Variants in MRPL45 observed in about 807,000 individuals in gnomAD.
MRPL45 encodes the protein large ribosomal subunit protein mL45.
In MRPL45, 20 loss-of-function variants were observed where a neutral mutation model predicts 38.1. That is an observed-to-expected ratio of 0.53 (90% CI 0.37 to 0.76). The LOEUF (loss-of-function observed/expected upper bound fraction) is 0.76. Ranked by LOEUF, MRPL45 falls within the 30% of genes least tolerant of loss-of-function variation. MRPL45 has a pLI of 0.00. For synonymous variants in MRPL45, 105 were observed against 128.8 expected (o/e 0.82, Z 1.25); for missense variants, 337 against 395.6 (o/e 0.85, Z 1.26).
At chr17:38,320,879 C>A in intron 6 of MRPL45, 112 bp downstream of exon 6, 1 of 1,003,086 alleles carries the variant, frequency 1.0e-6, no homozygotes, top group Non-Finnish European at 1.5e-6. Flanking sequence ...ATAAAAGGTA[C>A]ACTGTGATCT....
chr17:38,313,368 G>GTATA (rs1183363484), intron 4 of MRPL45, among the ~76,000 whole-genome samples: 15 of 17,054 alleles, frequency 8.8e-4, no homozygotes, highest in African/African-American at 4.1e-3. Flanking sequence ...ATATATATAC[G>GTATA]TATATATATA....
chr17:38,319,909 T>A (rs1415470525), intron 5 of MRPL45, among the ~76,000 whole-genome samples: 26 of 152,140 alleles, frequency 1.7e-4, no homozygotes, highest in Non-Finnish European at 7.4e-5. Context: ...AAGACCATCC[T>A]GGCTAACATG....
rs2037087040 is a variant in MRPL45, at chr17:38,309,352, T to TA, written c.461+2726dup. Among the ~76,000 whole-genome samples, 4 of 150,894 alleles carry TA rather than the reference T, an allele frequency of 2.7e-5. No individual in the cohort carries two copies. The East Asian group carries it at 7.9e-4, about 30-fold the overall frequency. ...CAATGTGGTGAAACCCTGTCTCTAC[T>TA]AAAAATACAAAAAAAAAATTAGCCA... On this transcript the variant is annotated intron_variant, in intron 4 of 7. Transcript: ENST00000613675.
intron 4 of MRPL45, among the ~76,000 whole-genome samples, chr17:38,313,322 ATATATATATACATATATATATATACG>A (rs1597652592): frequency 2.1e-3 from 34 of 16,194 alleles, no homozygotes; most frequent in Admixed American, 4.2e-3. Context: ...ATATATATAT[ATATATATATACATATATATATATACG>A]TATATATATA....
chr17:38,306,039 T>C (rs1161709402), intron 3 of MRPL45, among the ~76,000 whole-genome samples: 1 of 152,146 alleles, frequency 6.6e-6, no homozygotes, highest in Non-Finnish European at 1.5e-5. Context: ...AATTTCACTA[T>C]GAGAAGTCTT....
chr17:38,300,206 C>T (rs141265883), intron 3 of MRPL45, among the ~76,000 whole-genome samples: 2,035 of 152,004 alleles, frequency 0.013, 47 homozygotes, highest in African/African-American at 0.045. Flanking sequence ...TTAGTAAAGA[C>T]GGGGTTTCAC....
chr17:38,312,354 C>T (rs973146183), intron 4 of MRPL45, among the ~76,000 whole-genome samples: 6 of 152,114 alleles, frequency 3.9e-5, no homozygotes, highest in African/African-American at 1.4e-4. Flanking sequence ...CCACGTATGT[C>T]TCCTTATTAA....
At chr17:38,299,235 C>T (rs959358246) in intron 2 of MRPL45, 116 bp from the exon 3 acceptor site, 5 of 651,304 alleles carry the variant, frequency 7.7e-6, no homozygotes, top group Admixed American at 3.6e-5. Context: ...ACATGGAAGT[C>T]TGTTTCATTA....
At chr17:38,300,970 A>G (rs1598970386) in intron 3 of MRPL45, among the ~76,000 whole-genome samples, 1 of 152,106 alleles carries the variant, frequency 6.6e-6, no homozygotes, top group Admixed American at 6.6e-5. Flanking sequence ...AATAAAAAAG[A>G]TTTTATCATA....
At chr17:38,307,350 G>A (rs1461818276) in intron 4 of MRPL45, among the ~76,000 whole-genome samples, 1 of 138,342 alleles carries the variant, frequency 7.2e-6, no homozygotes, top group African/African-American at 2.7e-5. Context: ...TTTTTTTTTT[G>A]AGATGGAGTC....
chr17:38,313,393 T>TC (rs2037144329), intron 4 of MRPL45, among the ~76,000 whole-genome samples: 6 of 89,822 alleles, frequency 6.7e-5, no homozygotes, highest in Non-Finnish European at 1.2e-4. Flanking sequence ...TACATATATA[T>TC]ATATATATAT....
chr17:38,315,498 G>A (rs2037164836), intron 4 of MRPL45, among the ~76,000 whole-genome samples: 1 of 151,450 alleles, frequency 6.6e-6, no homozygotes, highest in African/African-American at 2.4e-5. Context: ...CGAACTCCTG[G>A]CCTCAAGTGA....
intron 2 of MRPL45, 22 bp from the exon 3 acceptor site, chr17:38,299,329 T>C (rs1344165226): frequency 6.7e-7 from 1 of 1,488,798 alleles, no homozygotes; most frequent in African/African-American, 1.4e-5. Flanking sequence ...ACTTTCTTAA[T>C]TTTTTTCTTC....
chr17:38,311,450 G>A (rs1214583044), intron 4 of MRPL45, among the ~76,000 whole-genome samples: 2 of 152,132 alleles, frequency 1.3e-5, no homozygotes, highest in African/African-American at 4.8e-5. Flanking sequence ...CACTTTGGGA[G>A]GCTGAGGCAG....
At position 38,306,634 on chromosome 17, in the gene MRPL45, A is replaced by C. The variant is rs1349626195; in HGVS notation, c.461+3A>C. On this transcript the variant is annotated splice_donor_region_variant and intron_variant, in intron 4 of 7. Coordinates refer to ENST00000613675, the MANE Select transcript of MRPL45 (RefSeq NM_032351.6). Reference sequence around the variant, plus strand: ...GAAGCTCACCTTTGTCTAAATAAGTAAGTGAACTCCCTATCTTTACCCATT... The same window carrying C: ...GAAGCTCACCTTTGTCTAAATAAGTCAGTGAACTCCCTATCTTTACCCATT... The C allele has an allele frequency of 6.2e-7, 1 of 1,613,528 alleles. No homozygotes were observed. Among genetic ancestry groups the C allele is most frequent in the Non-Finnish European group, 8.5e-7 (1 of 1,179,832 alleles).
Position 38,322,163 on chromosome 17 carries a change from A to G in MRPL45, c.698A>G (p.Tyr233Cys). Residue 233 changes from tyrosine to cysteine, a missense_variant, in exon 7 of 8, where the codon TAT becomes TGT. By Grantham distance (194) the Tyr-to-Cys change is radical (BLOSUM62 -2). Coordinates refer to ENST00000613675, the MANE Select transcript of MRPL45 (RefSeq NM_032351.6). ...AIYDRFGRLM[Y>C]GQEDVPKDVL... ...TATGACCGGTTTGGCCGGTTGATGT[A>G]TGGACAGGAAGATGTACCCAAGGAT... 1.2e-6 allele frequency: 2 copies of G among 1,614,130 alleles called. No individual in the cohort carries two copies. The highest frequency in any genetic ancestry group is 1.1e-5 in the South Asian group (1 of 91,076).
At chr17:38,305,272 G>T (rs968255460) in intron 3 of MRPL45, among the ~76,000 whole-genome samples, 1 of 131,222 alleles carries the variant, frequency 7.6e-6, no homozygotes, top group Non-Finnish European at 1.7e-5. Context: ...TTCGAGACCA[G>T]CCTGGTCAGC....
At chr17:38,304,842 G>A (rs1348342720) in intron 3 of MRPL45, among the ~76,000 whole-genome samples, 4 of 100,436 alleles carry the variant, frequency 4.0e-5, no homozygotes, top group Non-Finnish European at 7.8e-5. Context: ...GCGCCCGGCC[G>A]TAACTTCCTT....
intron 5 of MRPL45, among the ~76,000 whole-genome samples, chr17:38,319,646 G>A (rs1163869153): frequency 1.3e-5 from 2 of 152,168 alleles, no homozygotes; most frequent in Admixed American, 6.5e-5. Context: ...TAGGTCCTGA[G>A]GCTTGGATAT....
Sources: allele counts gnomAD v4.1 joint callset (sites outside exome capture counted in the v4.1 genomes callset), GRCh38; gene constraint gnomAD v4.1.1; transcripts MANE v1.5; gene names NCBI Gene and HGNC (gene_info 2026-07-23, HGNC 2026-07-21).